The following STAU2 variants were observed in gnomAD, a reference collection of about 807,000 sequenced individuals.
STAU2 encodes double-stranded RNA-binding protein Staufen homolog 2.
STAU2 carries 20 observed loss-of-function variants against 65.9 expected under a neutral mutation model. The observed-to-expected ratio is 0.30, with a 90% confidence interval of 0.21 to 0.44. The LOEUF (loss-of-function observed/expected upper bound fraction) is 0.44, where lower values mean the gene tolerates loss of function less well. STAU2 is among the 20% of genes least tolerant of loss of function. The pLI is 1.00. For missense variants in STAU2, 558 were observed against 683.9 expected (o/e 0.82, Z 2.05); for synonymous variants, 232 against 233.9 (o/e 0.99, Z 0.07).
chr8:73,633,140 A>C (rs565340511), intron 6 of STAU2, among the ~76,000 whole-genome samples: 1 of 152,360 alleles, frequency 6.6e-6, no homozygotes, highest in South Asian at 2.1e-4. Context: ...TATAGCTAAC[A>C]ATTACTGAGT....
At chr8:73,718,028 T>C (rs1821373882) in intron 3 of STAU2, among the ~76,000 whole-genome samples, 1 of 152,244 alleles carries the variant, frequency 6.6e-6, no homozygotes, top group Admixed American at 6.5e-5. Flanking sequence ...CTTCTCATTA[T>C]TGAGATAATA....
At chr8:73,708,675 T>C (rs575150860) in intron 4 of STAU2, among the ~76,000 whole-genome samples, 1 of 152,156 alleles carries the variant, frequency 6.6e-6, no homozygotes, top group Admixed American at 6.6e-5. Context: ...AAGCACACCA[T>C]ATTTGGGAGC....
chr8:73,536,687 G>T (rs978086971), intron 13 of STAU2, among the ~76,000 whole-genome samples: 1 of 152,112 alleles, frequency 6.6e-6, no homozygotes, highest in Admixed American at 6.5e-5. Context: ...GTCAATAGAG[G>T]CATGGTGGAA....
intron 6 of STAU2, among the ~76,000 whole-genome samples, chr8:73,626,373 G>T (rs903927763): frequency 5.3e-5 from 8 of 152,206 alleles, no homozygotes; most frequent in Non-Finnish European, 1.2e-4. Flanking sequence ...GTCAAGGAAT[G>T]ATTAGTAGGA....
At chr8:73,656,862 G>T (rs756139032) in intron 6 of STAU2, among the ~76,000 whole-genome samples, 2 of 152,056 alleles carry the variant, frequency 1.3e-5, no homozygotes, top group African/African-American at 2.4e-5. Context: ...CTACATACAA[G>T]AGACACCAAA....
chr8:73,505,074 A>G (rs1821986667), intron 13 of STAU2, among the ~76,000 whole-genome samples: 1 of 152,016 alleles, frequency 6.6e-6, no homozygotes, highest in South Asian at 2.1e-4. Context: ...TACAATCTTC[A>G]ATCTTCAGTT....
At chr8:73,422,295 C>T (rs774311021) in intron 14 of STAU2, among the ~76,000 whole-genome samples, 8 of 152,302 alleles carry the variant, frequency 5.3e-5, no homozygotes, top group Admixed American at 1.3e-4. Context: ...CCAGACAATG[C>T]TCTACAGTAT....
intron 13 of STAU2, among the ~76,000 whole-genome samples, chr8:73,467,389 G>A (rs965749880): frequency 1.6e-4 from 24 of 152,098 alleles, no homozygotes; most frequent in African/African-American, 5.1e-4. Context: ...AAAATTAGCC[G>A]GGCATGGTGG....
intron 12 of STAU2, among the ~76,000 whole-genome samples, chr8:73,578,663 A>G (rs73328759): frequency 0.18 from 27,740 of 152,112 alleles, 2,768 homozygotes; most frequent in African/African-American, 0.27. Context: ...AAACAACCAG[A>G]TATTCAGGGA....
intron 6 of STAU2, among the ~76,000 whole-genome samples, chr8:73,618,090 A>G (rs1484126868): frequency 6.6e-6 from 1 of 152,230 alleles, no homozygotes; most frequent in African/African-American, 2.4e-5. Context: ...AAAGAAATTA[A>G]GCAGAAAAAA....
chr8:73,484,023 G>A (rs1451602929), intron 13 of STAU2, among the ~76,000 whole-genome samples: 1 of 152,146 alleles, frequency 6.6e-6, no homozygotes, highest in Non-Finnish European at 1.5e-5. Flanking sequence ...CATATCCGGA[G>A]TTAGTCTCAC....
At chr8:73,737,132 G>A (rs1194911573) in intron 3 of STAU2, among the ~76,000 whole-genome samples, 1 of 151,978 alleles carries the variant, frequency 6.6e-6, no homozygotes, top group South Asian at 2.1e-4. Flanking sequence ...CTCCCAAAGT[G>A]CTGGGATTAC....
chr8:73,693,012 T>C (rs1273748127), intron 4 of STAU2, among the ~76,000 whole-genome samples: 1 of 151,360 alleles, frequency 6.6e-6, no homozygotes, highest in Non-Finnish European at 1.5e-5. Context: ...ATGTAAAAAA[T>C]TATCCAGGCA....
chr8:73,442,434 A>G (rs939339980), intron 13 of STAU2, among the ~76,000 whole-genome samples: 13 of 152,244 alleles, frequency 8.5e-5, no homozygotes, highest in African/African-American at 3.1e-4. Context: ...AAAAGCTAGT[A>G]TCCTGATTTC....
intron 13 of STAU2, among the ~76,000 whole-genome samples, chr8:73,481,722 C>T (rs1820643935): frequency 6.6e-6 from 1 of 151,968 alleles, no homozygotes; most frequent in Non-Finnish European, 1.5e-5. Context: ...ATATTCATTG[C>T]TTTGAATTTT....
chr8:73,746,382 C>T (rs930311564), intron 1 of STAU2, among the ~76,000 whole-genome samples: 1 of 151,918 alleles, frequency 6.6e-6, no homozygotes, highest in Non-Finnish European at 1.5e-5. Context: ...CTCTTCCGGC[C>T]GCTACCACCC....
At chr8:73,549,438 A>C (rs2128941871) in intron 13 of STAU2, among the ~76,000 whole-genome samples, 1 of 152,278 alleles carries the variant, frequency 6.6e-6, no homozygotes, top group East Asian at 1.9e-4. Flanking sequence ...CTCTTAAGTC[A>C]GTTTTATTAA....
chr8:73,580,441 T>C lies in STAU2; in HGVS notation c.1222+2329A>G, dbSNP rs534386950. Among the ~76,000 whole-genome samples, 5 of 152,312 alleles carry C rather than the reference T, an allele frequency of 3.3e-5. No homozygotes were observed. The South Asian group carries it at 1.0e-3, about 32-fold the overall frequency. ...GGCAGCCAGCACTGGCAATCTCAAA[T>C]TCCTGTCTTCCCCCACATGTGCCAT... is the stretch of plus-strand genomic sequence containing the variant. On this transcript the variant is annotated intron_variant, in intron 12 of 14. Transcript: ENST00000524300.
chr8:73,714,554 G>A (rs1479507448), intron 3 of STAU2, among the ~76,000 whole-genome samples: 5 of 151,988 alleles, frequency 3.3e-5, no homozygotes, highest in Non-Finnish European at 7.4e-5. Context: ...ATATTAAAAT[G>A]CAAAATACAA....
Sources: allele counts gnomAD v4.1 joint callset (sites outside exome capture counted in the v4.1 genomes callset), GRCh38; gene constraint gnomAD v4.1.1; transcripts MANE v1.5; gene names NCBI Gene and HGNC (gene_info 2026-07-23, HGNC 2026-07-21).